The following MYO5B variants were observed in gnomAD, a reference collection of about 807,000 sequenced individuals.
MYO5B encodes myosin VB.
MYO5B carries 143 observed loss-of-function variants against 229.3 expected under a neutral mutation model. That is an observed-to-expected ratio of 0.62 (90% confidence interval 0.54 to 0.72). MYO5B has a LOEUF of 0.72. MYO5B is among the 30% of genes least tolerant of loss of function. MYO5B has a pLI of 0.00. For synonymous variants in MYO5B, 918 were observed against 885.2 expected, an observed-to-expected ratio of 1.04 and a Z score of -0.66; for missense variants, 2,321 against 2,331.0, an observed-to-expected ratio of 1.00 and a Z score of 0.09.
chr18:49,987,896 G>C (rs1236980826), intron 7 of MYO5B, among the ~76,000 whole-genome samples: 1 of 152,094 alleles, frequency 6.6e-6, no homozygotes, highest in Non-Finnish European at 1.5e-5. Context: ...CTTCACAAAA[G>C]GGCCAGGAGA....
intron 4 of MYO5B, among the ~76,000 whole-genome samples, chr18:50,010,336 C>T (rs886721998): frequency 1.3e-5 from 2 of 152,196 alleles, no homozygotes; most frequent in Admixed American, 6.5e-5. Context: ...AGGGCTGTCT[C>T]CATCTCAGAT....
In MYO5B at chr18:50,131,760, G is replaced by A. The variant is rs571909128; in HGVS notation, c.27+63007C>T. Among the ~76,000 whole-genome samples the A allele has an allele frequency of 2.2e-4, 33 of 152,298 alleles. 1 individual carries two copies. In the South Asian group the frequency reaches 6.8e-3, roughly 32 times the overall value. On this transcript the variant is annotated intron_variant, in intron 1 of 39. Transcript: ENST00000285039. The stretch of plus-strand genomic sequence containing the variant: ...CTCATTTGTCACCATGACAGGAGGT[G>A]ATAATGTGACATTTCACAAGTTTCA...
intron 18 of MYO5B, among the ~76,000 whole-genome samples, chr18:49,909,486 A>G (rs917540506): frequency 6.6e-6 from 1 of 152,234 alleles, no homozygotes; most frequent in African/African-American, 2.4e-5. Context: ...TATTCCTCAT[A>G]GGATGAGCCA....
intron 9 of MYO5B, among the ~76,000 whole-genome samples, 162 bp from the exon 10 acceptor site, chr18:49,974,777 T>TCACACACACACACACACACA: frequency 1.1e-4 from 1 of 8,846 alleles, no homozygotes; most frequent in Admixed American, 3.0e-3. Flanking sequence ...CAGCAGTCTC[T>TCACACACACACACACACACA]CTCACACACA....
rs1204906778 is a variant in MYO5B, at chr18:50,168,945, C to T, written c.27+25822G>A. 1.6e-5 allele frequency among the ~76,000 whole-genome samples: 2 copies of T among 125,568 alleles called. 1 individual carries two copies. Among genetic ancestry groups the T allele is most frequent in the Non-Finnish European group, 3.4e-5 (2 of 59,318 alleles). 82.4% of individuals were successfully genotyped at this position (125,568 alleles called of 152,430 possible). On this transcript the variant is annotated intron_variant, in intron 1 of 39. Transcript: ENST00000285039. ...GTTTTCCATCAGAAATGTATTATTT[C>T]GATCCTCCAAGCAACTATCACTTCT... is the stretch of plus-strand genomic sequence containing the variant.
Position 50,173,575 on chromosome 18 carries a change from G to A in MYO5B, c.27+21192C>T, listed in dbSNP as rs149314321. 3.1e-3 allele frequency among the ~76,000 whole-genome samples: 472 copies of A among 152,310 alleles called. 2 individuals are homozygous for A. The highest frequency in any genetic ancestry group is 0.018 in the Admixed American group (278 of 15,294). On this transcript the variant is annotated intron_variant, in intron 1 of 39. Transcript: ENST00000285039. ...GTTTCCATTATGCGGGCCAGAGATC[G>A]TGGTGGCTGGAGGTCAGAGCAGTGA... is the stretch of plus-strand genomic sequence containing the variant.
chr18:49,942,251 C>T (rs967365548), intron 14 of MYO5B, among the ~76,000 whole-genome samples: 2 of 151,128 alleles, frequency 1.3e-5, no homozygotes, highest in African/African-American at 4.9e-5. Context: ...AAAACCTAGG[C>T]AATACCATTC....
At chr18:50,155,665 T>C (rs1264711670) in intron 1 of MYO5B, among the ~76,000 whole-genome samples, 2 of 152,156 alleles carry the variant, frequency 1.3e-5, no homozygotes, top group Non-Finnish European at 2.9e-5. Flanking sequence ...CCAGAGTAGA[T>C]GCAAAAAGGA....
At chr18:49,882,228 G>A (rs1456996576) in intron 22 of MYO5B, among the ~76,000 whole-genome samples, 2 of 152,084 alleles carry the variant, frequency 1.3e-5, no homozygotes, top group African/African-American at 2.4e-5. Context: ...ATTCCCCACA[G>A]AATAATCTCT....
At chr18:49,951,406 T>C (rs370706364) in intron 14 of MYO5B, among the ~76,000 whole-genome samples, 2 of 152,198 alleles carry the variant, frequency 1.3e-5, no homozygotes, top group African/African-American at 4.8e-5. Context: ...CAGTTTGTAA[T>C]TAAACTGTGC....
At chr18:49,973,300 G>A (rs577806046) in intron 10 of MYO5B, among the ~76,000 whole-genome samples, 3 of 152,270 alleles carry the variant, frequency 2.0e-5, no homozygotes, top group East Asian at 1.9e-4. Flanking sequence ...CATCAGAGAT[G>A]TAATCAGGAG....
chr18:49,852,129 C>T (rs540445156), intron 31 of MYO5B, among the ~76,000 whole-genome samples: 67 of 152,334 alleles, frequency 4.4e-4, no homozygotes, highest in African/African-American at 1.5e-3. Context: ...GACTGACTAC[C>T]CACCTCTTTC....
At chr18:49,849,864 C>T (rs1315394324) in intron 31 of MYO5B, 1 of 610,634 alleles carries the variant, frequency 1.6e-6, no homozygotes, top group Non-Finnish European at 3.0e-6. Context: ...GATGATGAGT[C>T]AGAGTCCATT....
At chr18:50,030,919 A>G (rs34662463) in intron 4 of MYO5B, among the ~76,000 whole-genome samples, 2 of 130,554 alleles carry the variant, frequency 1.5e-5, no homozygotes, top group Admixed American at 1.6e-4. Flanking sequence ...AAAAAAAAGC[A>G]CAAATAAAAC....
At chr18:50,036,593 T>C (rs1344321274) in intron 4 of MYO5B, among the ~76,000 whole-genome samples, 2 of 152,200 alleles carry the variant, frequency 1.3e-5, no homozygotes, top group Non-Finnish European at 2.9e-5. Context: ...ATGCAAGGAA[T>C]TTATTCCATT....
At chr18:50,097,060 T>C (rs903172437) in intron 1 of MYO5B, among the ~76,000 whole-genome samples, 4 of 152,152 alleles carry the variant, frequency 2.6e-5, no homozygotes, top group African/African-American at 7.2e-5. Flanking sequence ...ATGACTTCAT[T>C]TCCCAGGCAA....
chr18:49,938,162 T>C (rs768465462), intron 14 of MYO5B, among the ~76,000 whole-genome samples: 1 of 152,222 alleles, frequency 6.6e-6, no homozygotes, highest in Non-Finnish European at 1.5e-5. Flanking sequence ...TCTACATTAT[T>C]GCATCTTGTC....
intron 1 of MYO5B, among the ~76,000 whole-genome samples, chr18:50,173,297 G>C (rs1313238365): frequency 6.6e-6 from 1 of 151,800 alleles, no homozygotes; most frequent in African/African-American, 2.4e-5. Flanking sequence ...AAAAAGAGGA[G>C]GCCAGTGCGG....
chr18:49,870,726 T>C (rs958498705), intron 27 of MYO5B, among the ~76,000 whole-genome samples: 6 of 151,968 alleles, frequency 3.9e-5, no homozygotes, highest in African/African-American at 1.4e-4. Flanking sequence ...CAATGAGATA[T>C]CACCTTACAC....
Sources: allele counts gnomAD v4.1 joint callset (sites outside exome capture counted in the v4.1 genomes callset), GRCh38; gene constraint gnomAD v4.1.1; transcripts MANE v1.5; gene names NCBI Gene and HGNC (gene_info 2026-07-23, HGNC 2026-07-21).